Variants in MAML3 observed in about 807,000 individuals in gnomAD.
MAML3 encodes mastermind like transcriptional coactivator 3.
In MAML3, 27 loss-of-function variants were observed where a neutral mutation model predicts 101.9. That is an observed-to-expected ratio of 0.27 (90% CI 0.20 to 0.37). MAML3 has a LOEUF of 0.37. Among genes scored for constraint, MAML3 ranks in the 10% least tolerant of loss-of-function variants. MAML3 has a pLI of 1.00. For synonymous variants in MAML3, 501 were observed against 555.9 expected (o/e 0.90, Z 1.39); for missense variants, 1,316 against 1,444.9 (o/e 0.91, Z 1.45).
intron 2 of MAML3, among the ~76,000 whole-genome samples, chr4:139,810,907 T>C (rs1478359770): frequency 6.6e-6 from 1 of 152,182 alleles, no homozygotes; most frequent in African/African-American, 2.4e-5. Context: ...GAGATGTCTA[T>C]AGAAGTATGC....
chr4:140,035,852 A>G (rs1372456617), intron 1 of MAML3, among the ~76,000 whole-genome samples: 1 of 152,050 alleles, frequency 6.6e-6, no homozygotes, highest in African/African-American at 2.4e-5. Flanking sequence ...GCTCTACCTG[A>G]GGTTGAACGG....
intron 2 of MAML3, among the ~76,000 whole-genome samples, chr4:139,880,933 C>A (rs1732206976): frequency 6.6e-6 from 1 of 151,976 alleles, no homozygotes; most frequent in South Asian, 2.1e-4. Flanking sequence ...TGGGAGATGG[C>A]AATAGGAATT....
chr4:139,866,698 G>A (rs1731905470), intron 2 of MAML3, among the ~76,000 whole-genome samples: 2 of 152,160 alleles, frequency 1.3e-5, no homozygotes, highest in South Asian at 4.1e-4. Flanking sequence ...CAGACATAGA[G>A]GGAGAGGCTG....
At chr4:140,031,483 G>C (rs1209377250) in intron 1 of MAML3, among the ~76,000 whole-genome samples, 1 of 152,120 alleles carries the variant, frequency 6.6e-6, no homozygotes, top group Non-Finnish European at 1.5e-5. Context: ...AGACTACAAA[G>C]TTATTAGAGG....
intron 1 of MAML3, among the ~76,000 whole-genome samples, chr4:139,970,592 G>A (rs888336423): frequency 6.6e-6 from 1 of 152,172 alleles, no homozygotes; most frequent in African/African-American, 2.4e-5. Context: ...AATAGATGAT[G>A]AGGAAAGTCA....
chr4:139,864,726 C>T (rs1731859815), intron 2 of MAML3, among the ~76,000 whole-genome samples: 3 of 145,050 alleles, frequency 2.1e-5, no homozygotes, highest in Admixed American at 6.8e-5. Context: ...ATGATAAATT[C>T]CTGATGACTA....
intron 1 of MAML3, among the ~76,000 whole-genome samples, chr4:140,061,341 T>C (rs1007399591): frequency 2.0e-5 from 3 of 152,164 alleles, no homozygotes; most frequent in Non-Finnish European, 4.4e-5. Context: ...ACCTCCTAAC[T>C]ACGATATGGG....
chr4:139,719,185 T>A lies in MAML3; in HGVS notation c.*138A>T. 1 of 981,104 alleles carries A rather than the reference T, an allele frequency of 1.0e-6. No homozygotes were observed. The highest frequency in any genetic ancestry group is 1.5e-6 in the Non-Finnish European group (1 of 689,086). The allele number at this position is 981,104 out of a possible 1,614,324, so 60.8% of individuals were successfully genotyped here. A position where few individuals can be genotyped will look rare whatever the true frequency, so the allele number is the denominator to read the frequency against. ...GGGCTGTGGATTGGCACCTGGATCT[T>A]CCATTGTCAGCCAGCTGCAGTTTTG... On this transcript the variant is annotated 3_prime_UTR_variant, in exon 5 of 5. Transcript: ENST00000509479.
intron 2 of MAML3, among the ~76,000 whole-genome samples, chr4:139,857,547 G>T (rs1578633224): frequency 6.6e-6 from 1 of 152,114 alleles, no homozygotes; most frequent in African/African-American, 2.4e-5. Flanking sequence ...GACATTTAAG[G>T]TACCCAAGTC....
chr4:140,087,311 T>A (rs1039403308), intron 1 of MAML3, among the ~76,000 whole-genome samples: 8 of 152,244 alleles, frequency 5.3e-5, no homozygotes, highest in Non-Finnish European at 1.0e-4. Context: ...TATGACTTCA[T>A]ATACTCATCC....
Position 139,735,455 on chromosome 4 carries a change from G to A in MAML3, c.2080-4788C>T, listed in dbSNP as rs1330117591. 2.0e-5 allele frequency among the ~76,000 whole-genome samples: 3 copies of A among 150,658 alleles called. No individual in the cohort carries two copies. The highest frequency in any genetic ancestry group is 4.4e-5 in the Non-Finnish European group (3 of 67,644). On this transcript the variant is annotated intron_variant, in intron 2 of 4. Coordinates refer to ENST00000509479, the MANE Select transcript of MAML3 (RefSeq NM_018717.5). This position sits in a 1 kb window ranked among gnomAD's most constrained non-coding sequence, Gnocchi z 5.8. ...GAAGGGCTGGGAGTGGGGTAGGGGG[G>A]CAGTGGCGACCTCCGGGGGGGGAGG...
At chr4:140,052,510 T>C (rs1051924960) in intron 1 of MAML3, among the ~76,000 whole-genome samples, 4 of 151,546 alleles carry the variant, frequency 2.6e-5, no homozygotes, top group African/African-American at 9.7e-5. Context: ...CATCCTTAAA[T>C]GTCCCTCAAA....
At chr4:140,086,540 A>G (rs1272330727) in intron 1 of MAML3, among the ~76,000 whole-genome samples, 1 of 152,260 alleles carries the variant, frequency 6.6e-6, no homozygotes, top group Non-Finnish European at 1.5e-5. Context: ...GGCATTTAAA[A>G]TATCAATTAT....
chr4:139,733,489 C>T (rs149392241), intron 2 of MAML3, among the ~76,000 whole-genome samples: 13 of 148,088 alleles, frequency 8.8e-5, no homozygotes, highest in Non-Finnish European at 1.8e-4. Flanking sequence ...GGGGTGACGA[C>T]GATACATCAA....
At chr4:139,866,708 G>A (rs2077643797) in intron 2 of MAML3, among the ~76,000 whole-genome samples, 1 of 152,156 alleles carries the variant, frequency 6.6e-6, no homozygotes, top group Non-Finnish European at 1.5e-5. Flanking sequence ...GGGAGAGGCT[G>A]TGATGGAAGT....
At chr4:139,921,913 T>C (rs1234774227) in intron 1 of MAML3, among the ~76,000 whole-genome samples, 2 of 152,226 alleles carry the variant, frequency 1.3e-5, no homozygotes, top group Admixed American at 6.5e-5. Flanking sequence ...AATAAAGGTA[T>C]CAGCAGTTCA....
chr4:140,096,738 C>T (rs956898185), intron 1 of MAML3, among the ~76,000 whole-genome samples: 1 of 152,044 alleles, frequency 6.6e-6, no homozygotes, highest in Middle Eastern at 3.2e-3. Context: ...ATGAGTTCCA[C>T]ACATATTAAC....
chr4:140,020,562 A>C (rs1293407715), intron 1 of MAML3, among the ~76,000 whole-genome samples: 1 of 152,214 alleles, frequency 6.6e-6, no homozygotes. Flanking sequence ...ATAAAGAGAA[A>C]AAGTAACCCT....
Position 139,719,766 on chromosome 4 carries a change from C to G in MAML3, c.2974G>C (p.Ala992Pro). The change falls in exon 5 of 5, where the codon GCT becomes CCT. Residue 992 changes from alanine to proline, a missense_variant. Physicochemically the swap from Ala to Pro is conservative, Grantham distance 27. Transcript: ENST00000509479. ...TGCTTGGTCAGTCTCGGCTGCCCAG[C>G]TTGAAGAGGGTAGCTGGCGCCATTG... ...FNNGASYPLQ[A>P]GQPRLTKQHF... is the part of the protein sequence containing the mutation. 3 of 1,613,726 alleles carry G rather than the reference C, an allele frequency of 1.9e-6. No individual in the cohort carries two copies. Among genetic ancestry groups the G allele is most frequent in the Non-Finnish European group, 2.5e-6 (3 of 1,179,880 alleles).
Sources: allele counts gnomAD v4.1 joint callset (sites outside exome capture counted in the v4.1 genomes callset), GRCh38; gene constraint gnomAD v4.1.1; non-coding constraint Gnocchi (gnomAD v3.1); transcripts MANE v1.5; gene names NCBI Gene and HGNC (gene_info 2026-07-23, HGNC 2026-07-21).